The following GFRA1 variants were observed in gnomAD, a reference collection of about 807,000 sequenced individuals.
GFRA1 encodes GDNF family receptor alpha 1.
A neutral mutation model predicts 51.6 loss-of-function variants in GFRA1; 16 were observed. The ratio of observed to expected loss-of-function variants is 0.31; its 90% CI spans 0.21 to 0.47. The LOEUF (loss-of-function observed/expected upper bound fraction) is 0.47. Ranked by LOEUF, GFRA1 falls within the 20% of genes least tolerant of loss-of-function variation. GFRA1 has a pLI of 1.00. For synonymous variants in GFRA1, 270 were observed against 241.3 expected (o/e 1.12, Z -1.10); for missense variants, 530 against 594.3 (o/e 0.89, Z 1.13).
At chr10:116,213,092 T>C (rs553489904) in intron 4 of GFRA1, among the ~76,000 whole-genome samples, 16 of 152,308 alleles carry the variant, frequency 1.1e-4, no homozygotes, top group African/African-American at 3.8e-4. Context: ...ATGAAACTTC[T>C]AGAAGATAGT....
intron 9 of GFRA1, among the ~76,000 whole-genome samples, chr10:116,086,653 G>A (rs528157401): frequency 6.6e-6 from 1 of 152,286 alleles, no homozygotes; most frequent in Non-Finnish European, 1.5e-5. Context: ...CTCCCTGGGA[G>A]TCAAATGCTG....
At position 116,260,667 on chromosome 10, in the gene GFRA1, AT is replaced by A. The variant is rs558323978; in HGVS notation, c.418+8835del. The stretch of plus-strand genomic sequence containing the variant: ...GTTAAAAGATTACAGAAGATAAAAA[AT>A]CATAATAATAAAGGTTAACAATAGC... On this transcript the variant is annotated intron_variant, in intron 4 of 10. Coordinates refer to ENST00000355422, the MANE Select transcript of GFRA1 (RefSeq NM_005264.8). Among the ~76,000 whole-genome samples, 63 of 152,346 alleles carry A rather than the reference AT, an allele frequency of 4.1e-4. No individual in the cohort carries two copies. In the East Asian group the frequency reaches 0.012, roughly 28 times the overall value.
intron 5 of GFRA1, among the ~76,000 whole-genome samples, chr10:116,175,241 G>GTGTT (rs1961470431): frequency 1.3e-5 from 2 of 152,306 alleles, no homozygotes; most frequent in East Asian, 3.9e-4. Flanking sequence ...CAGGTTAATA[G>GTGTT]TGTCTGTTCT....
At chr10:116,196,175 T>C (rs2577376) in intron 5 of GFRA1, among the ~76,000 whole-genome samples, 80,334 of 144,586 alleles carry the variant, frequency 0.56, 21,970 homozygotes, top group Middle Eastern at 0.67. Context: ...TGCAACAAAT[T>C]TACAAATTTG....
At position 116,193,791 on chromosome 10, in the gene GFRA1, C is replaced by T. The variant is rs190633689; in HGVS notation, c.433+17840G>A. Among the ~76,000 whole-genome samples the T allele has an allele frequency of 1.2e-3, 181 of 151,952 alleles. 1 individual carries two copies. The highest frequency in any genetic ancestry group is 4.1e-3 in the African/African-American group (172 of 41,462). On this transcript the variant is annotated intron_variant, in intron 5 of 10. Coordinates refer to ENST00000355422, the MANE Select transcript of GFRA1 (RefSeq NM_005264.8). ...GTGGCTCATGGGCCGGGCGCGGTGGCTCATGCCTGTAATCCCAGCACTTTG... is the reference window on the plus strand; with the variant it reads ...GTGGCTCATGGGCCGGGCGCGGTGGTTCATGCCTGTAATCCCAGCACTTTG...
At chr10:116,073,013 C>T (rs908484206) in intron 9 of GFRA1, among the ~76,000 whole-genome samples, 9 of 152,174 alleles carry the variant, frequency 5.9e-5, no homozygotes, top group African/African-American at 1.7e-4. Context: ...CAAAACCTCA[C>T]GCTAATTGGG....
chr10:116,114,759 C>A (rs1360469577), intron 6 of GFRA1, among the ~76,000 whole-genome samples: 1 of 152,140 alleles, frequency 6.6e-6, no homozygotes, highest in Non-Finnish European at 1.5e-5. Flanking sequence ...AAATCTTAAG[C>A]TTTGTCCTCC....
intron 5 of GFRA1, among the ~76,000 whole-genome samples, chr10:116,137,349 G>C (rs1382262408): frequency 6.6e-6 from 1 of 152,144 alleles, no homozygotes; most frequent in Non-Finnish European, 1.5e-5. Context: ...GCGGTTGTCA[G>C]GGCCCTCACA....
At chr10:116,270,715 C>A in intron 3 of GFRA1, 107 bp downstream of exon 3, 1 of 913,638 alleles carries the variant, frequency 1.1e-6, no homozygotes, top group Admixed American at 1.9e-5. Flanking sequence ...CCTCACTCTG[C>A]AGCTGGGGAG....
intron 9 of GFRA1, among the ~76,000 whole-genome samples, chr10:116,086,052 G>A (rs1956086428): frequency 6.6e-6 from 1 of 152,206 alleles, no homozygotes; most frequent in South Asian, 2.1e-4. Context: ...AGAAATCTTA[G>A]TCTGCTAGAG....
intron 4 of GFRA1, among the ~76,000 whole-genome samples, chr10:116,246,675 A>G (rs750572415): frequency 1.8e-4 from 28 of 152,240 alleles, no homozygotes; most frequent in Non-Finnish European, 3.7e-4. Context: ...ACAGGTTATT[A>G]AAATAGTAAA....
chr10:116,226,976 C>T (rs954133187), intron 4 of GFRA1, among the ~76,000 whole-genome samples: 3 of 152,106 alleles, frequency 2.0e-5, no homozygotes, highest in East Asian at 1.9e-4. Context: ...CAATGGGGAG[C>T]GGCTGTAAAT....
At position 116,125,957 on chromosome 10, in the gene GFRA1, CCATA is replaced by C. The variant is rs1364596435; in HGVS notation, c.434-404_434-401del. 1.1e-4 allele frequency among the ~76,000 whole-genome samples: 17 copies of C among 152,284 alleles called. No individual in the cohort carries two copies. The East Asian group carries it at 2.9e-3, about 26-fold the overall frequency. On this transcript the variant is annotated intron_variant, in intron 5 of 10. Coordinates refer to ENST00000355422, the MANE Select transcript of GFRA1 (RefSeq NM_005264.8). ...GATATGCTGAATGCAAGTATAATTG[CCATA>C]CAATCCTCCAAGAATGTAATTATGT...
At chr10:116,070,683 AAAG>A (rs1248256829) in intron 9 of GFRA1, among the ~76,000 whole-genome samples, 1 of 152,138 alleles carries the variant, frequency 6.6e-6, no homozygotes, top group African/African-American at 2.4e-5. Context: ...CTGTATATAA[AAAG>A]AAGACAGAAA....
intron 4 of GFRA1, among the ~76,000 whole-genome samples, chr10:116,214,153 T>G (rs1965402819): frequency 6.6e-6 from 1 of 152,124 alleles, no homozygotes; most frequent in African/African-American, 2.4e-5. Flanking sequence ...CCAACCACCC[T>G]CTGACCAGCC....
intron 4 of GFRA1, among the ~76,000 whole-genome samples, chr10:116,256,470 T>C (rs984762435): frequency 5.3e-5 from 8 of 152,090 alleles, no homozygotes; most frequent in Non-Finnish European, 7.4e-5. Context: ...CCCAGCCCCA[T>C]TGATGTCATA....
At position 116,125,530 on chromosome 10, in the gene GFRA1, C is replaced by A; in HGVS notation, c.461G>T (p.Cys154Phe). Residue 154 changes from cysteine to phenylalanine, a missense_variant, in exon 6 of 11, where the codon TGC becomes TTC. Coordinates refer to ENST00000355422, the MANE Select transcript of GFRA1 (RefSeq NM_005264.8). ...GTTGCAGGCCTTCGCTGCATCCAGGCAGTTGTTCCCTTTGGGAATGTGCTC... is the reference window on the plus strand; with the variant it reads ...GTTGCAGGCCTTCGCTGCATCCAGGAAGTTGTTCCCTTTGGGAATGTGCTC... ...QVEHIPKGNN[C>F]LDAAKACNLD... is the part of the protein sequence containing the mutation. The A allele has an allele frequency of 6.2e-7, 1 of 1,613,972 alleles. No homozygotes were observed. Among genetic ancestry groups the A allele is most frequent in the South Asian group, 1.1e-5 (1 of 91,024 alleles).
chr10:116,227,059 G>T (rs1233100648), intron 4 of GFRA1, among the ~76,000 whole-genome samples: 2 of 152,138 alleles, frequency 1.3e-5, no homozygotes, highest in African/African-American at 2.4e-5. Context: ...GTCCAGGGTT[G>T]GGAACTCCTG....
intron 4 of GFRA1, among the ~76,000 whole-genome samples, chr10:116,237,279 C>T (rs1020217493): frequency 3.3e-5 from 5 of 152,186 alleles, no homozygotes; most frequent in Non-Finnish European, 5.9e-5. Flanking sequence ...AGCTGTGTAG[C>T]ATTCAGCTCT....
Sources: allele counts gnomAD v4.1 joint callset (sites outside exome capture counted in the v4.1 genomes callset), GRCh38; gene constraint gnomAD v4.1.1; transcripts MANE v1.5; gene names NCBI Gene and HGNC (gene_info 2026-07-23, HGNC 2026-07-21).